The following TRHDE variants were observed in gnomAD, a reference collection of about 807,000 sequenced individuals.
TRHDE encodes thyrotropin releasing hormone degrading enzyme, also known as thyrotropin-releasing hormone-degrading ectoenzyme.
Under a neutral mutation model 125.7 loss-of-function variants are expected in TRHDE, and 72 were observed. That is an observed-to-expected ratio of 0.57 (90% CI 0.47 to 0.70). TRHDE has a LOEUF of 0.70. Ranked by LOEUF, TRHDE falls within the 30% of genes least tolerant of loss-of-function variation. The probability of loss-of-function intolerance (pLI) is 0.00; values close to 1 mark genes in which losing one functional copy is unlikely to be tolerated. For synonymous variants in TRHDE, 509 were observed against 509.1 expected (o/e 1.00, Z 0.00); for missense variants, 1,110 against 1,327.1 (o/e 0.84, Z 2.54).
intron 3 of TRHDE, among the ~76,000 whole-genome samples, chr12:72,393,456 G>T (rs1872679742): frequency 6.6e-6 from 1 of 152,196 alleles, no homozygotes; most frequent in Non-Finnish European, 1.5e-5. Flanking sequence ...AATGCAGGGT[G>T]TGGGAGGCAA....
In TRHDE at chr12:72,456,290, G is replaced by A. The variant is rs580466; in HGVS notation, c.1316-13468G>A. ...GTGGAAAGGTGGCCAGGCTGTAAGGGTTCCATCCCCATCCAGGACTGGAAT... is the reference window on the plus strand; with the variant it reads ...GTGGAAAGGTGGCCAGGCTGTAAGGATTCCATCCCCATCCAGGACTGGAAT... On this transcript the variant is annotated intron_variant, in intron 3 of 18. Transcript: ENST00000261180. Among the ~76,000 whole-genome samples, 4 of 151,722 alleles carry A rather than the reference G, an allele frequency of 2.6e-5. No homozygotes were observed. In the East Asian group the frequency reaches 7.8e-4, roughly 30 times the overall value.
chr12:72,378,619 C>T (rs1404674409), intron 3 of TRHDE, among the ~76,000 whole-genome samples: 1 of 152,126 alleles, frequency 6.6e-6, no homozygotes, highest in East Asian at 1.9e-4. Flanking sequence ...GTTTCTCCTT[C>T]CAAATTTTCA....
In TRHDE at chr12:72,294,869, G is replaced by A. The variant is rs1396283031; in HGVS notation, c.1188+7915G>A. 2.6e-5 allele frequency among the ~76,000 whole-genome samples: 4 copies of A among 151,928 alleles called. No individual in the cohort carries two copies. The East Asian group carries it at 5.9e-4, about 22-fold the overall frequency. ...AAATTTGTGGGGGGTGAGGTGGCAGGGAGCTGGAGTGTCAACACTGCCCTG... is the reference window on the plus strand; with the variant it reads ...AAATTTGTGGGGGGTGAGGTGGCAGAGAGCTGGAGTGTCAACACTGCCCTG... On this transcript the variant is annotated intron_variant, in intron 2 of 18. Coordinates refer to ENST00000261180, the MANE Select transcript of TRHDE (RefSeq NM_013381.3).
At chr12:72,358,838 A>T (rs1366219997) in intron 2 of TRHDE, among the ~76,000 whole-genome samples, 8 of 151,598 alleles carry the variant, frequency 5.3e-5, no homozygotes, top group Non-Finnish European at 8.9e-5. Context: ...TAGAAATAGT[A>T]TTATGAAGAA....
rs183324914 is a variant in TRHDE, at chr12:72,612,262, A to T, written c.2322-6629A>T. 2.7e-3 allele frequency among the ~76,000 whole-genome samples: 411 copies of T among 151,770 alleles called. 3 individuals are homozygous for T. The highest frequency in any genetic ancestry group is 9.6e-3 in the African/African-American group (396 of 41,364). On this transcript the variant is annotated intron_variant, in intron 12 of 18. Coordinates refer to ENST00000261180, the MANE Select transcript of TRHDE (RefSeq NM_013381.3). Reference sequence around the variant, plus strand: ...CATGCAGGTGACACCTTCCCTAACCACCCTGTTTAAACCACTCCCTTCTAA... The same window carrying T: ...CATGCAGGTGACACCTTCCCTAACCTCCCTGTTTAAACCACTCCCTTCTAA...
chr12:72,087,843 G>A (rs555723078), intron 1 of TRHDE, among the ~76,000 whole-genome samples: 1 of 152,206 alleles, frequency 6.6e-6, no homozygotes, highest in East Asian at 1.9e-4. Flanking sequence ...AGCAATCTGG[G>A]CCGTTGTGTG....
At chr12:72,617,374 T>C (rs1872862018) in intron 12 of TRHDE, among the ~76,000 whole-genome samples, 1 of 152,138 alleles carries the variant, frequency 6.6e-6, no homozygotes. Flanking sequence ...TAAGCACAGG[T>C]ATAAACTAAT....
At chr12:72,594,210 C>G (rs1335162590) in intron 12 of TRHDE, among the ~76,000 whole-genome samples, 1 of 152,104 alleles carries the variant, frequency 6.6e-6, no homozygotes, top group Non-Finnish European at 1.5e-5. Context: ...GCCATTCTAA[C>G]TGGTGTGAGA....
chr12:72,417,319 T>C (rs956313043), intron 3 of TRHDE, among the ~76,000 whole-genome samples: 3 of 152,052 alleles, frequency 2.0e-5, no homozygotes, highest in African/African-American at 7.2e-5. Context: ...TCAATAGACA[T>C]GTAATTGGAA....
intron 2 of TRHDE, among the ~76,000 whole-genome samples, chr12:72,141,864 A>G (rs900227660): frequency 6.6e-6 from 1 of 152,132 alleles, no homozygotes; most frequent in Admixed American, 6.5e-5. Context: ...ACCCACTAGA[A>G]ATGACAGGTG....
intron 2 of TRHDE, among the ~76,000 whole-genome samples, chr12:72,305,371 A>G (rs1191455877): frequency 2.6e-5 from 4 of 152,228 alleles, no homozygotes; most frequent in African/African-American, 9.6e-5. Flanking sequence ...GTCATTATGG[A>G]CAATTACATA....
chr12:72,119,046 T>C (rs1875515659), intron 2 of TRHDE, among the ~76,000 whole-genome samples: 1 of 152,120 alleles, frequency 6.6e-6, no homozygotes, highest in Non-Finnish European at 1.5e-5. Flanking sequence ...TTCATTTATT[T>C]CTGTTCTGAT....
intron 15 of TRHDE, among the ~76,000 whole-genome samples, chr12:72,644,097 A>G (rs1324983713): frequency 6.6e-6 from 1 of 152,264 alleles, no homozygotes; most frequent in Middle Eastern, 3.4e-3. Context: ...TTCAGCAACA[A>G]TTTATGGGCA....
chr12:72,283,638 A>G (rs1019549586), intron 1 of TRHDE, among the ~76,000 whole-genome samples: 2 of 152,082 alleles, frequency 1.3e-5, no homozygotes, highest in Admixed American at 6.6e-5. Context: ...ATACTTACTT[A>G]CTTGGTAAGG....
intron 2 of TRHDE, among the ~76,000 whole-genome samples, chr12:72,295,744 G>T (rs1214648359): frequency 6.6e-6 from 1 of 152,040 alleles, no homozygotes; most frequent in Non-Finnish European, 1.5e-5. Flanking sequence ...TCATTTTAAT[G>T]AGAGAATTAG....
intron 18 of TRHDE, among the ~76,000 whole-genome samples, chr12:72,661,326 C>G (rs1240841164): frequency 1.3e-5 from 2 of 152,086 alleles, no homozygotes; most frequent in Non-Finnish European, 2.9e-5. Flanking sequence ...AGAGCATGCT[C>G]CACAGAGTTA....
At chr12:72,568,203 T>C (rs779315602) in intron 9 of TRHDE, among the ~76,000 whole-genome samples, 14 of 152,136 alleles carry the variant, frequency 9.2e-5, no homozygotes, top group Non-Finnish European at 1.8e-4. Context: ...TGTCTTAATC[T>C]AACATAAAAA....
chr12:72,550,231 C>T (rs1485273778), intron 7 of TRHDE, among the ~76,000 whole-genome samples: 3 of 151,746 alleles, frequency 2.0e-5, no homozygotes, highest in Non-Finnish European at 4.4e-5. Flanking sequence ...TGTAATTATG[C>T]CAATTACAGA....
At chr12:72,624,378 G>C (rs557869609) in intron 15 of TRHDE, among the ~76,000 whole-genome samples, 1 of 151,918 alleles carries the variant, frequency 6.6e-6, no homozygotes, top group Admixed American at 6.6e-5. Flanking sequence ...TAGAGGTAAT[G>C]TAGTAGTATA....
Sources: gnomAD v4.1 joint callset for allele counts (sites outside exome capture counted in the v4.1 genomes callset) on GRCh38, gnomAD v4.1.1 for gene constraint, MANE v1.5 for transcripts, NCBI Gene and HGNC (gene_info 2026-07-23, HGNC 2026-07-21) for gene names.